The following PABIR2 variants were observed in gnomAD, a reference collection of about 807,000 sequenced individuals.
PABIR2 encodes the protein PABIR family member 2, also known as family with sequence similarity 122B.
In PABIR2, 7 loss-of-function variants were observed where a neutral mutation model predicts 22.8. The ratio of observed to expected loss-of-function variants is 0.31; its 90% CI spans 0.17 to 0.58. The LOEUF is 0.58. Among genes scored for constraint, PABIR2 ranks in the 20% least tolerant of loss-of-function variants. The pLI is 0.89. For synonymous variants in PABIR2, 67 were observed against 73.8 expected (o/e 0.91, Z 0.47); for missense variants, 155 against 205.1 (o/e 0.76, Z 1.49).
chrX:134,787,610 C>CTTTTTTTTTT (rs1179720154), intron 6 of PABIR2, 77 bp from the exon 7 acceptor site: 9 of 292,463 alleles, frequency 3.1e-5, no homozygotes, highest in East Asian at 7.9e-5. Context: ...AGTTTTCTTT[C>CTTTTTTTTTT]TTTTTTTTTT....
intron 9 of PABIR2, among the ~76,000 whole-genome samples, chrX:134,777,524 CAAAAAAAAAAA>C (rs1177263144): frequency 6.8e-5 from 2 of 29,559 alleles, no homozygotes; most frequent in African/African-American, 2.1e-4. Flanking sequence ...GATCTTGTAT[CAAAAAAAAAAA>C]AAAAAAAAAA....
At position 134,788,711 on chromosome X, in the gene PABIR2, A is replaced by T. The variant is rs1397685570; in HGVS notation, c.435+19T>A. 1.7e-6 allele frequency: 2 copies of T among 1,175,197 alleles called. No homozygotes were observed. The highest frequency in any genetic ancestry group is 3.6e-5 in the African/African-American group (2 of 56,036). On this transcript the variant is annotated intron_variant, in intron 6 of 9. Coordinates refer to ENST00000343004, the MANE Select transcript of PABIR2 (RefSeq NM_001387468.1). ...GCTCAGTTTGTGAAATACACTTAATATCTTGTCAGTTATCCTACCTTTCCG... is the reference window on the plus strand; with the variant it reads ...GCTCAGTTTGTGAAATACACTTAATTTCTTGTCAGTTATCCTACCTTTCCG...
intron 7 of PABIR2, 115 bp from the exon 8 acceptor site, chrX:134,786,065 T>G: frequency 1.5e-6 from 1 of 675,612 alleles, no homozygotes; most frequent in Non-Finnish European, 2.3e-6. Flanking sequence ...ATGACTGAAA[T>G]GGAAAATTCT....
chrX:134,777,558 G>T (rs1306120868), intron 9 of PABIR2, among the ~76,000 whole-genome samples: 9 of 105,389 alleles, frequency 8.5e-5, no homozygotes, highest in African/African-American at 3.1e-4. Flanking sequence ...GCCAGGTGAG[G>T]TGGCTCACGC....
intron 8 of PABIR2, among the ~76,000 whole-genome samples, chrX:134,783,987 C>T (rs1443114666): frequency 2.0e-5 from 2 of 101,850 alleles, no homozygotes; most frequent in African/African-American, 3.6e-5. Context: ...GCAGGAGAAT[C>T]GCTTGAACCC....
chrX:134,796,194 C>G lies in PABIR2; in HGVS notation c.12G>C (p.Glu4Asp). The stretch of plus-strand genomic sequence containing the variant: ...CAGGCTCAAGGTCCAGCTCCATTTT[C>G]TCCTGAGCCATGTCAGACTTGCAGG... MAQ[E>D]KMELDLEPDT... The change falls in exon 1 of 10, where the codon GAG becomes GAC. Residue 4 changes from glutamate to aspartate, a missense_variant. By Grantham distance (45) the Glu-to-Asp change is conservative. Transcript: ENST00000343004. 1 of 1,210,165 alleles carries G rather than the reference C, an allele frequency of 8.3e-7. No individual in the cohort carries two copies. Among genetic ancestry groups the G allele is most frequent in the Non-Finnish European group, 1.1e-6 (1 of 894,868 alleles).
In PABIR2 at chrX:134,771,851, G is replaced by GT; in HGVS notation, c.*287dup. On this transcript the variant is annotated 3_prime_UTR_variant, in exon 10 of 10. Transcript: ENST00000343004. ...TTAAATGTATAGACTCAAAATAGGT[G>GT]TTTTTTGAGGCACTAAGAAAAAAGA... is the stretch of plus-strand genomic sequence containing the variant. 1 of 881,081 alleles carries GT rather than the reference G, an allele frequency of 1.1e-6. No individual in the cohort carries two copies. The highest frequency in any genetic ancestry group is 1.4e-6 in the Non-Finnish European group (1 of 720,589). The allele number at this position is 881,081 out of a possible 1,213,427, so 72.6% of individuals were successfully genotyped here. A position where few individuals can be genotyped will look rare whatever the true frequency, so the allele number is the denominator to read the frequency against.
Position 134,769,725 on chromosome X carries a change from A to G in PABIR2, c.*2414T>C, listed in dbSNP as rs746843449. On this transcript the variant is annotated 3_prime_UTR_variant, in exon 10 of 10. Transcript: ENST00000343004. ...AAAACATTATCTATAGGGTTGTATC[A>G]TATCATCTCTTATACCTGTTTTCAA... 8.9e-6 allele frequency: 1 copy of G among 112,256 alleles called. No homozygotes were observed. Among genetic ancestry groups the G allele is most frequent in the African/African-American group, 3.2e-5 (1 of 30,882 alleles). The allele number at this position is 112,256 out of a possible 1,213,427, so 9.3% of individuals were successfully genotyped here. A position where few individuals can be genotyped will look rare whatever the true frequency, so the allele number is the denominator to read the frequency against.
chrX:134,794,728 G>A (rs1423285784), intron 1 of PABIR2, among the ~76,000 whole-genome samples: 1 of 112,199 alleles, frequency 8.9e-6, no homozygotes, highest in South Asian at 3.7e-4. Context: ...CAATAAGGAT[G>A]AGAATTCCAG....
Position 134,772,266 on chromosome X carries a change from C to T in PABIR2, c.677G>A (p.Gly226Asp). The T allele has an allele frequency of 8.4e-7, 1 of 1,189,343 alleles. No homozygotes were observed. The highest frequency in any genetic ancestry group is 1.9e-5 in the South Asian group (1 of 53,304). Residue 226 changes from glycine to aspartate, a missense_variant, in exon 10 of 10, where the codon GGC (glycine) becomes GAC (aspartate). Physicochemically the swap from Gly to Asp is moderately conservative, Grantham distance 94. Transcript: ENST00000343004. ...DLSSCSDILD[G>D]SSSSSGLSSD... ...GGATAAGCCACTGCTGCTACTACTG[C>T]CATCCAAAATATCTGAACTGAAGAC...
intron 6 of PABIR2, 73 bp from the exon 7 acceptor site, chrX:134,787,606 CTTTCT>C: frequency 2.7e-5 from 8 of 298,809 alleles, no homozygotes; most frequent in African/African-American, 1.3e-4. Context: ...CTCCAGTTTT[CTTTCT>C]TTTTTTTTTT....
chrX:134,772,506 G>A (rs1393374006), intron 9 of PABIR2, among the ~76,000 whole-genome samples: 2 of 111,548 alleles, frequency 1.8e-5, no homozygotes, highest in Non-Finnish European at 3.8e-5. Flanking sequence ...CCCCCCTAGA[G>A]GCACCAGACC....
At chrX:134,791,426 G>A (rs1003826557) in intron 2 of PABIR2, among the ~76,000 whole-genome samples, 10 of 110,820 alleles carry the variant, frequency 9.0e-5, no homozygotes, top group Admixed American at 1.9e-4. Context: ...GCAGTGGAGT[G>A]TAGATTATGC....
intron 9 of PABIR2, among the ~76,000 whole-genome samples, chrX:134,773,782 G>A (rs191669509): frequency 1.8e-5 from 2 of 112,042 alleles, no homozygotes; most frequent in East Asian, 5.6e-4. Context: ...GCCCATTCCA[G>A]TCTAACATGC....
intron 9 of PABIR2, among the ~76,000 whole-genome samples, chrX:134,780,682 GA>G (rs2079134104): frequency 8.9e-6 from 1 of 112,353 alleles, no homozygotes; most frequent in South Asian, 3.6e-4. Context: ...GAGTTGATCA[GA>G]ACATACTGAA....
intron 6 of PABIR2, 78 bp from the exon 7 acceptor site, chrX:134,787,611 T>C (rs1201000756): frequency 3.5e-5 from 4 of 114,160 alleles, no homozygotes; most frequent in Non-Finnish European, 6.1e-5. Flanking sequence ...GTTTTCTTTC[T>C]TTTTTTTTTT....
At chrX:134,791,493 AAC>A (rs1231063813) in intron 2 of PABIR2, 20 of 243,939 alleles carry the variant, frequency 8.2e-5, no homozygotes, top group Non-Finnish European at 4.6e-5. Context: ...CGAAAAAGAA[AAC>A]AGTTTGTTTT....
At chrX:134,794,032 T>G (rs2079627383) in intron 1 of PABIR2, 139 bp from the exon 2 acceptor site, 1 of 1,095,482 alleles carries the variant, frequency 9.1e-7, no homozygotes, top group South Asian at 2.3e-5. Context: ...ATACAGAGAA[T>G]GAACTCCTCA....
chrX:134,793,130 C>G (rs993738818), intron 2 of PABIR2, among the ~76,000 whole-genome samples: 2 of 112,007 alleles, frequency 1.8e-5, no homozygotes, highest in Non-Finnish European at 3.8e-5. Flanking sequence ...ATTCAGAGGT[C>G]AGAGGCTCTC....
Sources: allele counts gnomAD v4.1 joint callset (sites outside exome capture counted in the v4.1 genomes callset), GRCh38; gene constraint gnomAD v4.1.1; transcripts MANE v1.5; gene names NCBI Gene and HGNC (gene_info 2026-07-23, HGNC 2026-07-21).